Variants in CTNNA2 observed in about 807,000 individuals in gnomAD.
CTNNA2 encodes catenin alpha-2.
In CTNNA2, 42 loss-of-function variants were observed where a neutral mutation model predicts 101.0. The observed-to-expected ratio is 0.42, with a 90% CI of 0.32 to 0.54. CTNNA2 has a LOEUF of 0.54. CTNNA2 is among the 20% of genes least tolerant of loss of function. The pLI, the probability that CTNNA2 is intolerant of heterozygous loss-of-function variation, is 0.14. For missense variants in CTNNA2, 871 were observed against 1,223.1 expected, an observed-to-expected ratio of 0.71 and a Z score of 4.29; for synonymous variants, 450 against 456.4, an observed-to-expected ratio of 0.99 and a Z score of 0.18.
At chr2:79,935,691 T>C (rs1687740902) in intron 7 of CTNNA2, among the ~76,000 whole-genome samples, 1 of 152,222 alleles carries the variant, frequency 6.6e-6, no homozygotes. Flanking sequence ...TAAATCTAAC[T>C]GGGGTGGAGA....
chr2:80,458,082 G>A (rs1221048950), intron 9 of CTNNA2, among the ~76,000 whole-genome samples: 2 of 152,184 alleles, frequency 1.3e-5, no homozygotes, highest in Non-Finnish European at 2.9e-5. Context: ...TAGGTGCCAA[G>A]AGACTTAACT....
Position 80,364,207 on chromosome 2 carries a change from A to G in CTNNA2, c.1057-29004A>G, listed in dbSNP as rs116138738. Among the ~76,000 whole-genome samples, 1,159 of 152,254 alleles carry G rather than the reference A, an allele frequency of 7.6e-3. 17 individuals are homozygous for G. The highest frequency in any genetic ancestry group is 0.026 in the African/African-American group (1,081 of 41,556). On this transcript the variant is annotated intron_variant, in intron 7 of 18. Transcript: ENST00000402739. Reference sequence around the variant, plus strand: ...TGTACCACTGAGATTGCTAAAAATAACTGTTCTCCTGTCTTGCTGTTTTGC... The same window carrying G: ...TGTACCACTGAGATTGCTAAAAATAGCTGTTCTCCTGTCTTGCTGTTTTGC...
chr2:80,546,839 G>A (rs77377951), intron 11 of CTNNA2, among the ~76,000 whole-genome samples: 2 of 152,158 alleles, frequency 1.3e-5, no homozygotes, highest in Non-Finnish European at 2.9e-5. Context: ...GTGAGGAGGA[G>A]GTCACTGGAA....
intron 7 of CTNNA2, among the ~76,000 whole-genome samples, chr2:80,142,022 T>C (rs1383830724): frequency 1.3e-5 from 2 of 152,132 alleles, no homozygotes; most frequent in Non-Finnish European, 2.9e-5. Context: ...TTCTTTGTTC[T>C]GAATTTCTTC....
intron 4 of CTNNA2, among the ~76,000 whole-genome samples, chr2:79,485,368 G>A (rs549124332): frequency 3.9e-5 from 6 of 152,294 alleles, no homozygotes; most frequent in South Asian, 2.1e-4. Flanking sequence ...TCACTTTAAA[G>A]TGTTGCTACT....
At chr2:79,894,606 G>A (rs560952597) in intron 6 of CTNNA2, among the ~76,000 whole-genome samples, 5 of 152,090 alleles carry the variant, frequency 3.3e-5, no homozygotes, top group African/African-American at 1.2e-4. Flanking sequence ...GGCCCTCATG[G>A]GAGTTCCTCT....
chr2:79,741,886 GA>G (rs746225469), intron 2 of CTNNA2, among the ~76,000 whole-genome samples: 1 of 152,138 alleles, frequency 6.6e-6, no homozygotes. Context: ...GAATAGCAGT[GA>G]AAAGCATTGA....
intron 15 of CTNNA2, 49 bp downstream of exon 15, chr2:80,589,534 G>A (rs1696254638): frequency 2.6e-6 from 4 of 1,564,012 alleles, no homozygotes; most frequent in Non-Finnish European, 3.5e-6. Context: ...AAACCCAGAA[G>A]TGTAGCAGTG....
intron 2 of CTNNA2, among the ~76,000 whole-genome samples, chr2:79,680,231 G>T (rs1683469316): frequency 6.6e-6 from 1 of 151,688 alleles, no homozygotes; most frequent in Non-Finnish European, 1.5e-5. Flanking sequence ...CTTCCCTTAG[G>T]ATATCCCTCC....
chr2:79,816,463 G>A (rs1024986886), intron 3 of CTNNA2, among the ~76,000 whole-genome samples: 1 of 152,106 alleles, frequency 6.6e-6, no homozygotes, highest in Non-Finnish European at 1.5e-5. Flanking sequence ...AACTTCCAGA[G>A]ACATAATGCT....
intron 9 of CTNNA2, among the ~76,000 whole-genome samples, chr2:80,450,220 T>A (rs1683386790): frequency 6.6e-6 from 1 of 152,162 alleles, no homozygotes; most frequent in African/African-American, 2.4e-5. Flanking sequence ...ATTATAGGAG[T>A]ATCCTGGGTC....
At chr2:79,799,060 A>C (rs909717335) in intron 3 of CTNNA2, among the ~76,000 whole-genome samples, 1 of 152,068 alleles carries the variant, frequency 6.6e-6, no homozygotes, top group Non-Finnish European at 1.5e-5. Flanking sequence ...CCCAGCCCAG[A>C]TTTGCAATCC....
intron 2 of CTNNA2, among the ~76,000 whole-genome samples, chr2:79,267,679 G>A (rs549695709): frequency 8.5e-4 from 129 of 152,282 alleles, no homozygotes; most frequent in Non-Finnish European, 1.7e-3. Flanking sequence ...AAGAGCTGTA[G>A]TGGGACCTCG....
chr2:79,197,801 G>A (rs1392387416), intron 1 of CTNNA2, among the ~76,000 whole-genome samples: 1 of 152,222 alleles, frequency 6.6e-6, no homozygotes, highest in African/African-American at 2.4e-5. Flanking sequence ...TTGAGACGGA[G>A]TCTCGCTTTG....
At chr2:79,282,182 T>C (rs552504447) in intron 2 of CTNNA2, among the ~76,000 whole-genome samples, 3 of 152,216 alleles carry the variant, frequency 2.0e-5, no homozygotes, top group Non-Finnish European at 2.9e-5. Context: ...GTCTTAGAAA[T>C]ATTAAGTGGA....
intron 4 of CTNNA2, among the ~76,000 whole-genome samples, chr2:79,504,246 A>G (rs564953062): frequency 7.2e-5 from 11 of 152,162 alleles, no homozygotes; most frequent in African/African-American, 2.4e-4. Context: ...CTCTTTTAAT[A>G]TAAGGAGTAA....
chr2:79,857,653 G>C (rs1681244242), intron 3 of CTNNA2, among the ~76,000 whole-genome samples: 1 of 152,160 alleles, frequency 6.6e-6, no homozygotes, highest in African/African-American at 2.4e-5. Context: ...TCAATGAGTT[G>C]CATGGTAAGT....
chr2:80,036,207 T>C (rs1401880060), intron 7 of CTNNA2, among the ~76,000 whole-genome samples: 3 of 151,812 alleles, frequency 2.0e-5, no homozygotes, highest in Admixed American at 2.0e-4. Context: ...GGAGGTGAAA[T>C]TAATGCAGAC....
intron 7 of CTNNA2, among the ~76,000 whole-genome samples, chr2:80,370,769 C>G (rs1230381970): frequency 2.6e-5 from 4 of 152,136 alleles, no homozygotes; most frequent in Non-Finnish European, 4.4e-5. Context: ...AAAGAAATAT[C>G]TTTTCTTACT....
Sources: gnomAD v4.1 joint callset for allele counts (sites outside exome capture counted in the v4.1 genomes callset) on GRCh38, gnomAD v4.1.1 for gene constraint, MANE v1.5 for transcripts, NCBI Gene and HGNC (gene_info 2026-07-23, HGNC 2026-07-21) for gene names.